HSP90B1: variants seen among roughly 807,000 people sequenced by gnomAD.
HSP90B1 encodes the protein heat shock protein 90 beta family member 1.
A neutral mutation model predicts 100.4 loss-of-function variants in HSP90B1; 27 were observed. That is an observed-to-expected ratio of 0.27 (90% CI 0.20 to 0.37). The LOEUF (loss-of-function observed/expected upper bound fraction) is 0.37, where lower values mean the gene tolerates loss of function less well. Ranked by LOEUF, HSP90B1 falls within the 10% of genes least tolerant of loss-of-function variation. The pLI is 1.00. For synonymous variants in HSP90B1, 304 were observed against 330.8 expected (o/e 0.92, Z 0.88); for missense variants, 678 against 960.5 (o/e 0.71, Z 3.89).
At chr12:103,940,158 G>C (rs1870032514) in intron 8 of HSP90B1, among the ~76,000 whole-genome samples, 1 of 152,122 alleles carries the variant, frequency 6.6e-6, no homozygotes. Flanking sequence ...GACAAAAAAA[G>C]ATTAAGAACC....
chr12:103,931,445 C>A, intron 1 of HSP90B1, 76 bp from the exon 2 acceptor site: 2 of 1,158,314 alleles, frequency 1.7e-6, no homozygotes, highest in East Asian at 2.4e-5. Flanking sequence ...AATTTTGCAA[C>A]CCCTACCCTT....
At chr12:103,935,151 G>A (rs949709553) in intron 5 of HSP90B1, among the ~76,000 whole-genome samples, 2 of 152,148 alleles carry the variant, frequency 1.3e-5, no homozygotes, top group African/African-American at 4.8e-5. Context: ...GAGATAAAGG[G>A]CTTAAAGAAA....
At chr12:103,944,833 C>A (rs533802665) in intron 14 of HSP90B1, among the ~76,000 whole-genome samples, 44 of 152,216 alleles carry the variant, frequency 2.9e-4, no homozygotes, top group Non-Finnish European at 5.4e-4. Context: ...GGATTACAGG[C>A]GTGGGCCACT....
At chr12:103,938,855 T>C (rs1195084275) in intron 7 of HSP90B1, 1 of 152,626 alleles carries the variant, frequency 6.6e-6, no homozygotes, top group East Asian at 1.9e-4. Context: ...TGAGAAATAT[T>C]TTTGTAAAAT....
rs2136212394 is a variant in HSP90B1, at chr12:103,932,296, T to C, written c.172T>C (p.Leu58=). 1.9e-6 allele frequency: 3 copies of C among 1,611,880 alleles called. No individual in the cohort carries two copies. Among genetic ancestry groups the C allele is most frequent in the East Asian group, 4.5e-5 (2 of 44,806 alleles). ...VVQREEEAIQ[L]DGLNASQIRE... ...CCTTAGAGAGGAAGAAGCTATTCAG[T>C]TGGATGGATTAAATGCATCACAAAT... Residue 58 remains leucine (L), a synonymous_variant, in exon 3 of 18, where the codon TTG becomes CTG. Coordinates refer to ENST00000299767, the MANE Select transcript of HSP90B1 (RefSeq NM_003299.3).
At chr12:103,940,144 G>T (rs543883266) in intron 8 of HSP90B1, among the ~76,000 whole-genome samples, 1 of 152,152 alleles carries the variant, frequency 6.6e-6, no homozygotes, top group Non-Finnish European at 1.5e-5. Flanking sequence ...CAAGGGTTTT[G>T]TGTGACAAAA....
At chr12:103,932,015 G>A (rs1246047579) in intron 2 of HSP90B1, 7 of 446,078 alleles carry the variant, frequency 1.6e-5, no homozygotes, top group Non-Finnish European at 2.8e-5. Context: ...GCATAAATGA[G>A]TATGACTTTG....
In HSP90B1 at chr12:103,930,482, T is replaced by C. The variant is rs1259869849; in HGVS notation, c.-34T>C. ...TGGGGGGTGGAGGCGGCTCCTGCGA[T>C]CGAAGGGGACTTGAGACTCACCGGC... On this transcript the variant is annotated 5_prime_UTR_variant, in exon 1 of 18. Coordinates refer to ENST00000299767, the MANE Select transcript of HSP90B1 (RefSeq NM_003299.3). This position sits in a 1 kb window ranked among gnomAD's most constrained non-coding sequence, Gnocchi z 4.4. The C allele has an allele frequency of 6.9e-6, 11 of 1,585,822 alleles. No individual in the cohort carries two copies. Among genetic ancestry groups the C allele is most frequent in the Non-Finnish European group, 9.4e-6 (11 of 1,165,576 alleles).
chr12:103,933,340 G>A (rs928034249), intron 4 of HSP90B1, among the ~76,000 whole-genome samples: 2 of 152,278 alleles, frequency 1.3e-5, no homozygotes, highest in African/African-American at 4.8e-5. Flanking sequence ...CTGGGACAGA[G>A]GCGTGGGCAG....
In HSP90B1 at chr12:103,939,494, C is replaced by A; in HGVS notation, c.976-15C>A. 1 of 1,229,926 alleles carries A rather than the reference C, an allele frequency of 8.1e-7. No homozygotes were observed. Among genetic ancestry groups the A allele is most frequent in the Non-Finnish European group, 1.2e-6 (1 of 862,630 alleles). 76.2% of individuals were successfully genotyped at this position (1,229,926 alleles called of 1,614,324 possible). A position where few individuals can be genotyped will look rare whatever the true frequency, so the allele number is the denominator to read the frequency against. ...AGTGCTGAGAGAGACTAATCAAATA[C>A]TATAATAACTTCAGGTTGAAAAAAC... On this transcript the variant is annotated splice_polypyrimidine_tract_variant and intron_variant, in intron 7 of 17. Transcript: ENST00000299767.
chr12:103,943,291 G>T lies in HSP90B1; in HGVS notation c.1862G>T (p.Trp621Leu), dbSNP rs1325518885. The T allele has an allele frequency of 6.2e-7, 1 of 1,613,992 alleles. No individual in the cohort carries two copies. ...AAAGAATTTGAGCCTCTGCTGAATT[G>T]GATGAAAGATAAAGCCCTTAAGGAC... ...VEKEFEPLLN[W>L]MKDKALKDKI... is the part of the protein sequence containing the mutation. The change falls in exon 13 of 18, where the codon TGG becomes TTG. Residue 621 changes from tryptophan (W) to leucine (L), a missense_variant. Physicochemically the swap from Trp to Leu is moderately conservative, Grantham distance 61. Around this residue, in one of 8 missense-constraint regions of HSP90B1, gnomAD observed 170 missense variants for 236.7 expected, o/e 0.72. Transcript: ENST00000299767. This position sits in a 1 kb window ranked among gnomAD's most constrained non-coding sequence, Gnocchi z 5.3.
At chr12:103,933,870 G>C (rs1869832352) in intron 4 of HSP90B1, 86 bp from the exon 5 acceptor site, 8 of 1,032,120 alleles carry the variant, frequency 7.8e-6, no homozygotes, top group Non-Finnish European at 1.1e-5. Flanking sequence ...GGAATTGATG[G>C]GACCCAAAGC....
At chr12:103,936,265 T>C (rs1033809150) in intron 5 of HSP90B1, among the ~76,000 whole-genome samples, 32 of 152,302 alleles carry the variant, frequency 2.1e-4, no homozygotes, top group African/African-American at 7.0e-4. Flanking sequence ...AGCCAGCTAG[T>C]AAATATTTTT....
chr12:103,940,781 T>C (rs1490894161), intron 8 of HSP90B1, among the ~76,000 whole-genome samples: 1 of 152,210 alleles, frequency 6.6e-6, no homozygotes, highest in Non-Finnish European at 1.5e-5. Flanking sequence ...ATAATCAATA[T>C]AAAAACTAAT....
intron 5 of HSP90B1, among the ~76,000 whole-genome samples, chr12:103,935,458 T>C (rs984562281): frequency 6.7e-6 from 1 of 149,790 alleles, no homozygotes; most frequent in African/African-American, 2.5e-5. Flanking sequence ...TCAATTTTTT[T>C]TTCTTAATTC....
chr12:103,947,072 T>C, intron 16 of HSP90B1, 131 bp downstream of exon 16: 2 of 1,142,270 alleles, frequency 1.8e-6, no homozygotes, highest in East Asian at 2.4e-5. Context: ...GAAAGAATTT[T>C]ATTGAATGTT....
rs891697793 is a variant in HSP90B1 at position 103,932,912 on chromosome 12, T to C, written c.381T>C (p.Ser127=). The C allele has an allele frequency of 1.9e-6, 3 of 1,586,254 alleles. No homozygotes were observed. The highest frequency in any genetic ancestry group is 2.6e-6 in the Non-Finnish European group (3 of 1,154,950). Residue 127 remains serine (S), a synonymous_variant, in exon 4 of 18, where the codon TCT becomes TCC. Coordinates refer to ENST00000299767, the MANE Select transcript of HSP90B1 (RefSeq NM_003299.3). ...CACTGACTGATGAAAATGCTCTTTCTGGAAATGAGGAACTAACAGTCAAAA... is the reference window on the plus strand; with the variant it reads ...CACTGACTGATGAAAATGCTCTTTCCGGAAATGAGGAACTAACAGTCAAAA... ...LISLTDENAL[S]GNEELTVKIK... is the part of the protein sequence containing the mutation.
chr12:103,938,633 G>T, intron 7 of HSP90B1, 174 bp downstream of exon 7: 1 of 547,588 alleles, frequency 1.8e-6, no homozygotes, highest in East Asian at 3.3e-5. Context: ...TTGTCCTGTA[G>T]AAAGTTTTAA....
At chr12:103,938,628 C>T (rs1435935629) in intron 7 of HSP90B1, 169 bp downstream of exon 7, 4 of 560,050 alleles carry the variant, frequency 7.1e-6, no homozygotes, top group Non-Finnish European at 1.2e-5. Flanking sequence ...ATACATTGTC[C>T]TGTAGAAAGT....
Sources: allele counts gnomAD v4.1 joint callset (sites outside exome capture counted in the v4.1 genomes callset), GRCh38; gene constraint gnomAD v4.1.1; regional missense constraint gnomAD v4.1.1; non-coding constraint Gnocchi (gnomAD v3.1); transcripts MANE v1.5; gene names NCBI Gene and HGNC (gene_info 2026-07-23, HGNC 2026-07-21).